Variants in EIF5B observed in about 807,000 individuals in gnomAD.
The protein encoded by EIF5B is eukaryotic translation initiation factor 5B, also known as eIF-5B.
A neutral mutation model predicts 147.5 loss-of-function variants in EIF5B; 47 were observed. The observed-to-expected ratio is 0.32, with a 90% CI of 0.25 to 0.41. The LOEUF (loss-of-function observed/expected upper bound fraction) is 0.41. Among genes scored for constraint, EIF5B ranks in the 10% least tolerant of loss-of-function variants. The pLI is 1.00. For synonymous variants in EIF5B, 455 were observed against 456.2 expected, an observed-to-expected ratio of 1.00 and a Z score of 0.03; for missense variants, 1,064 against 1,413.2, an observed-to-expected ratio of 0.75 and a Z score of 3.96.
chr2:99,370,098 A>C (rs1674413648), intron 8 of EIF5B, among the ~76,000 whole-genome samples: 1 of 152,222 alleles, frequency 6.6e-6, no homozygotes. Context: ...CTTCAGAAGC[A>C]AATTGGAAGG....
At chr2:99,399,130 G>C (rs761135833) in intron 23 of EIF5B, 177 bp from the exon 24 acceptor site, 6 of 765,064 alleles carry the variant, frequency 7.8e-6, no homozygotes, top group Non-Finnish European at 1.2e-5. Flanking sequence ...AGGTCCCCTC[G>C]TGCCTGACAT....
chr2:99,371,029 T>G (rs1674433616), intron 8 of EIF5B: 2 of 152,326 alleles, frequency 1.3e-5, no homozygotes, highest in South Asian at 4.1e-4. Context: ...TTTCAAGAAC[T>G]GAGTATATTC....
At chr2:99,348,493 G>A (rs951221743) in intron 1 of EIF5B, among the ~76,000 whole-genome samples, 2 of 152,144 alleles carry the variant, frequency 1.3e-5, no homozygotes, top group South Asian at 2.1e-4. Flanking sequence ...AGATGTTCTG[G>A]GTAAGAAGAT....
At chr2:99,342,756 C>G (rs1462745433) in intron 1 of EIF5B, among the ~76,000 whole-genome samples, 1 of 152,006 alleles carries the variant, frequency 6.6e-6, no homozygotes, top group Non-Finnish European at 1.5e-5. Flanking sequence ...CTCAGCCTCC[C>G]CAGTAGCTAG....
At chr2:99,395,158 T>A (rs896886409) in intron 21 of EIF5B, among the ~76,000 whole-genome samples, 4 of 152,248 alleles carry the variant, frequency 2.6e-5, no homozygotes, top group Admixed American at 1.3e-4. Flanking sequence ...GGACTTTATG[T>A]TGCTCATCTG....
chr2:99,398,927 A>T lies in EIF5B; in HGVS notation c.3555+18A>T. On this transcript the variant is annotated intron_variant, in intron 23 of 23. Coordinates refer to ENST00000289371, the MANE Select transcript of EIF5B (RefSeq NM_015904.4). ...TTAGTAAGGTAAGTATTTCAGCAAA[A>T]GTGGCACACTTTAAGCAACAGGGAA... The T allele has an allele frequency of 3.7e-6, 6 of 1,609,962 alleles. No homozygotes were observed. Among genetic ancestry groups the T allele is most frequent in the Non-Finnish European group, 5.1e-6 (6 of 1,178,236 alleles).
chr2:99,343,420 G>A (rs2094265076), intron 1 of EIF5B, among the ~76,000 whole-genome samples: 1 of 151,914 alleles, frequency 6.6e-6, no homozygotes, highest in Admixed American at 6.6e-5. Context: ...TTTTGTTGAA[G>A]TCCAGTTTAT....
intron 6 of EIF5B, among the ~76,000 whole-genome samples, chr2:99,366,088 T>TAG (rs767033264): frequency 6.6e-6 from 1 of 151,846 alleles, no homozygotes; most frequent in East Asian, 1.9e-4. Context: ...ACTAAGCATA[T>TAG]ACACACACAC....
intron 14 of EIF5B, among the ~76,000 whole-genome samples, chr2:99,384,183 C>T (rs1222175899): frequency 3.9e-5 from 3 of 77,244 alleles, no homozygotes; most frequent in African/African-American, 5.7e-5. Flanking sequence ...GGTGACAGAG[C>T]GAGACTCCGT....
In EIF5B at chr2:99,369,525, A is replaced by G. The variant is rs182609568; in HGVS notation, c.1477+44A>G. ...TTATTTAATTAGTGAATTCTTATTA[A>G]ATAGTGTTGGTGTGTCATAAGTTGT... is the stretch of plus-strand genomic sequence containing the variant. On this transcript the variant is annotated intron_variant, in intron 8 of 23. Transcript: ENST00000289371. 6.0e-6 allele frequency: 9 copies of G among 1,505,298 alleles called. 1 individual carries two copies. The East Asian group carries it at 2.1e-4, about 35-fold the overall frequency. 93.2% of individuals were successfully genotyped at this position (1,505,298 alleles called of 1,614,324 possible). A position where few individuals can be genotyped will look rare whatever the true frequency, so the allele number is the denominator to read the frequency against.
chr2:99,366,318 A>C (rs539748188), intron 6 of EIF5B, among the ~76,000 whole-genome samples: 3 of 152,206 alleles, frequency 2.0e-5, no homozygotes, highest in Non-Finnish European at 2.9e-5. Context: ...ACCACCCTTC[A>C]GGTAATCCAG....
intron 1 of EIF5B, among the ~76,000 whole-genome samples, chr2:99,344,043 C>T (rs927902081): frequency 6.6e-6 from 1 of 151,392 alleles, no homozygotes; most frequent in Non-Finnish European, 1.5e-5. Context: ...CTCAGCCTCC[C>T]GAGTAGCTGG....
intron 23 of EIF5B, 176 bp downstream of exon 23, chr2:99,399,085 G>C: frequency 2.4e-6 from 2 of 839,398 alleles, no homozygotes; most frequent in South Asian, 3.7e-5. Context: ...TGCTCTATCA[G>C]GAAAGCAGCA....
chr2:99,399,657 A>C lies in EIF5B; in HGVS notation c.*243A>C, dbSNP rs1007040257. On this transcript the variant is annotated 3_prime_UTR_variant, in exon 24 of 24. Coordinates refer to ENST00000289371, the MANE Select transcript of EIF5B (RefSeq NM_015904.4). ...TGTTCACTCACCTCTCCCTTCCCCAACCCTTCTCTACTTGGCTGCTGTTTT... is the reference window on the plus strand; with the variant it reads ...TGTTCACTCACCTCTCCCTTCCCCACCCCTTCTCTACTTGGCTGCTGTTTT... The C allele has an allele frequency of 1.2e-5, 5 of 400,754 alleles. No individual in the cohort carries two copies. Among genetic ancestry groups the C allele is most frequent in the East Asian group, 4.7e-5 (1 of 21,348 alleles). The allele number at this position is 400,754 out of a possible 1,614,324, so 24.8% of individuals were successfully genotyped here. A position where few individuals can be genotyped will look rare whatever the true frequency, so the allele number is the denominator to read the frequency against.
At chr2:99,385,666 C>A (rs979810614) in intron 14 of EIF5B, among the ~76,000 whole-genome samples, 33 of 152,054 alleles carry the variant, frequency 2.2e-4, no homozygotes, top group African/African-American at 7.3e-4. Context: ...CTAGGAAACC[C>A]CAAAAATTGT....
At chr2:99,350,922 T>G (rs1673939824) in intron 1 of EIF5B, among the ~76,000 whole-genome samples, 1 of 152,268 alleles carries the variant, frequency 6.6e-6, no homozygotes, top group African/African-American at 2.4e-5. Context: ...TAAAATGTTT[T>G]TAAAAGACTC....
chr2:99,390,077 A>G, intron 15 of EIF5B, 142 bp from the exon 16 acceptor site: 1 of 1,097,326 alleles, frequency 9.1e-7, no homozygotes, highest in South Asian at 1.6e-5. Context: ...GTTAATGCTT[A>G]TAGGATATAC....
At chr2:99,383,712 T>G (rs778181597) in intron 14 of EIF5B, among the ~76,000 whole-genome samples, 5 of 152,208 alleles carry the variant, frequency 3.3e-5, no homozygotes, top group Non-Finnish European at 7.3e-5. Context: ...ATCCAGAAAC[T>G]CTAGCTGAGA....
At chr2:99,391,491 GA>G (rs1293611271) in intron 17 of EIF5B, among the ~76,000 whole-genome samples, 1 of 152,160 alleles carries the variant, frequency 6.6e-6, no homozygotes, top group Non-Finnish European at 1.5e-5. Flanking sequence ...CAACCAGATG[GA>G]GAATCAGAAC....
Sources: allele counts gnomAD v4.1 joint callset (sites outside exome capture counted in the v4.1 genomes callset), GRCh38; gene constraint gnomAD v4.1.1; transcripts MANE v1.5; gene names NCBI Gene and HGNC (gene_info 2026-07-23, HGNC 2026-07-21).